RALGAPA2: variants seen among roughly 807,000 people sequenced by gnomAD.
RALGAPA2 encodes the protein Ral GTPase activating protein catalytic subunit alpha 2.
In RALGAPA2, 139 loss-of-function variants were observed where a neutral mutation model predicts 230.4. The observed-to-expected ratio is 0.60, with a 90% confidence interval of 0.53 to 0.69. The LOEUF (loss-of-function observed/expected upper bound fraction) is 0.69. RALGAPA2 is among the 30% of genes least tolerant of loss of function. The pLI, the probability that RALGAPA2 is intolerant of heterozygous loss-of-function variation, is 0.00. For synonymous variants in RALGAPA2, 847 were observed against 837.8 expected (o/e 1.01, Z -0.19); for missense variants, 2,163 against 2,276.0 (o/e 0.95, Z 1.01).
In RALGAPA2 at chr20:20,706,577, G is replaced by A. The variant is rs540114015; in HGVS notation, c.106+5798C>T. 1.1e-4 allele frequency among the ~76,000 whole-genome samples: 16 copies of A among 152,238 alleles called. No homozygotes were observed. In the South Asian group the frequency reaches 2.1e-3, roughly 20 times the overall value. Reference sequence around the variant, plus strand: ...AAAACACCGGAGGAGATTGTTTATCGTCTGCCCATGCTCAAATCAAATATG... The same window carrying A: ...AAAACACCGGAGGAGATTGTTTATCATCTGCCCATGCTCAAATCAAATATG... On this transcript the variant is annotated intron_variant, in intron 1 of 39. Transcript: ENST00000202677.
chr20:20,492,957 G>A (rs1173394073), intron 36 of RALGAPA2, among the ~76,000 whole-genome samples: 3 of 152,148 alleles, frequency 2.0e-5, no homozygotes, highest in African/African-American at 7.2e-5. Flanking sequence ...ACAGCTATCT[G>A]ATCAGAAATT....
At position 20,606,984 on chromosome 20, in the gene RALGAPA2, G is replaced by A. The variant is rs554835504; in HGVS notation, c.1801-1572C>T. Among the ~76,000 whole-genome samples the A allele has an allele frequency of 2.6e-5, 4 of 152,288 alleles. No individual in the cohort carries two copies. In the South Asian group the frequency reaches 8.3e-4, roughly 32 times the overall value. ...ATGCTTTCCTAAGCCTTGTGAAAAG[G>A]AATCCTTATACCCAAAGTCTATGTA... On this transcript the variant is annotated intron_variant, in intron 14 of 39. Coordinates refer to ENST00000202677, the MANE Select transcript of RALGAPA2 (RefSeq NM_020343.4).
At chr20:20,458,444 C>T (rs6035630) in intron 37 of RALGAPA2, among the ~76,000 whole-genome samples, 2,838 of 117,918 alleles carry the variant, frequency 0.024, 171 homozygotes, top group East Asian at 0.063. Flanking sequence ...TTTTATATTA[C>T]ATATAATACA....
intron 23 of RALGAPA2, among the ~76,000 whole-genome samples, chr20:20,547,149 T>A (rs1311348535): frequency 6.6e-6 from 1 of 152,178 alleles, no homozygotes; most frequent in African/African-American, 2.4e-5. Context: ...GAGGTAAATA[T>A]GTAATTAAAA....
chr20:20,654,617 C>T (rs1345785817), intron 3 of RALGAPA2, among the ~76,000 whole-genome samples: 1 of 152,194 alleles, frequency 6.6e-6, no homozygotes, highest in African/African-American at 2.4e-5. Flanking sequence ...TGTATTCATA[C>T]CACATTTTCT....
intron 37 of RALGAPA2, among the ~76,000 whole-genome samples, chr20:20,460,031 C>T (rs2061265021): frequency 6.6e-6 from 1 of 152,144 alleles, no homozygotes; most frequent in Admixed American, 6.5e-5. Context: ...CTCTGCCTGC[C>T]CTCTACAGTG....
chr20:20,421,507 C>A (rs2060274705), intron 37 of RALGAPA2, among the ~76,000 whole-genome samples: 1 of 152,134 alleles, frequency 6.6e-6, no homozygotes, highest in Admixed American at 6.5e-5. Flanking sequence ...CCTGTCTCTA[C>A]TAAAAATACA....
At chr20:20,470,878 T>G (rs1273677398) in intron 37 of RALGAPA2, 2 of 152,218 alleles carry the variant, frequency 1.3e-5, no homozygotes, top group African/African-American at 4.8e-5. Context: ...GTTAAATGAT[T>G]GCAAAGTTTT....
intron 31 of RALGAPA2, among the ~76,000 whole-genome samples, chr20:20,515,412 A>G (rs999190298): frequency 1.3e-5 from 2 of 152,230 alleles, no homozygotes; most frequent in Non-Finnish European, 2.9e-5. Flanking sequence ...CAGGAACTCA[A>G]CAGGAAAACT....
intron 39 of RALGAPA2, among the ~76,000 whole-genome samples, chr20:20,396,170 G>C (rs1201024619): frequency 6.6e-6 from 1 of 152,158 alleles, no homozygotes; most frequent in Non-Finnish European, 1.5e-5. Context: ...CCATTCCTAG[G>C]TCTCCACCCT....
chr20:20,616,225 A>G, intron 12 of RALGAPA2, 34 bp from the exon 13 acceptor site: 2 of 1,386,888 alleles, frequency 1.4e-6, no homozygotes, highest in Non-Finnish European at 1.9e-6. Flanking sequence ...AGAAAATATA[A>G]CTGAACATAA....
intron 36 of RALGAPA2, among the ~76,000 whole-genome samples, chr20:20,487,069 C>T (rs573645747): frequency 6.1e-4 from 93 of 151,906 alleles, no homozygotes; most frequent in African/African-American, 2.0e-3. Flanking sequence ...TATTTGAGTC[C>T]GGTTTTGATG....
chr20:20,517,542 G>GA (rs1278658360), intron 31 of RALGAPA2, among the ~76,000 whole-genome samples: 23 of 152,066 alleles, frequency 1.5e-4, no homozygotes, highest in Admixed American at 1.5e-3. Context: ...AAATACTGGG[G>GA]AAAAATTAAA....
chr20:20,414,876 T>C (rs2060135793), intron 37 of RALGAPA2, among the ~76,000 whole-genome samples: 1 of 152,236 alleles, frequency 6.6e-6, no homozygotes, highest in Admixed American at 6.5e-5. Context: ...AGTGCTAAAC[T>C]GGGTGCTGTC....
intron 37 of RALGAPA2, among the ~76,000 whole-genome samples, chr20:20,415,857 G>A (rs1481271879): frequency 6.6e-6 from 1 of 152,210 alleles, no homozygotes; most frequent in Non-Finnish European, 1.5e-5. Context: ...TGAATCTGCA[G>A]AGCTGTAAGA....
chr20:20,529,042 T>G (rs2063301725), intron 27 of RALGAPA2, among the ~76,000 whole-genome samples: 1 of 152,180 alleles, frequency 6.6e-6, no homozygotes. Context: ...TGCTATGTCC[T>G]TAGGTAAAAC....
chr20:20,574,802 C>A (rs190586321), intron 20 of RALGAPA2, among the ~76,000 whole-genome samples: 146 of 152,272 alleles, frequency 9.6e-4, no homozygotes, highest in African/African-American at 3.4e-3. Context: ...TTCCTCTAAT[C>A]TCTCGCAGCT....
At chr20:20,653,623 A>C in intron 3 of RALGAPA2, 36 bp from the exon 4 acceptor site, 4 of 1,238,010 alleles carry the variant, frequency 3.2e-6, no homozygotes, top group African/African-American at 1.5e-5. Context: ...TAAACAACAA[A>C]TGAAATTACA....
At chr20:20,650,910 T>C (rs1040303665) in intron 4 of RALGAPA2, among the ~76,000 whole-genome samples, 2 of 152,180 alleles carry the variant, frequency 1.3e-5, no homozygotes, top group Non-Finnish European at 2.9e-5. Flanking sequence ...CATTTCAAAA[T>C]CCAAAAGATT....
Sources: allele counts gnomAD v4.1 joint callset (sites outside exome capture counted in the v4.1 genomes callset), GRCh38; gene constraint gnomAD v4.1.1; transcripts MANE v1.5; gene names NCBI Gene and HGNC (gene_info 2026-07-23, HGNC 2026-07-21).